The following DOCK7 variants were observed in gnomAD, a reference collection of about 807,000 sequenced individuals.
DOCK7 encodes the protein dedicator of cytokinesis 7.
Under a neutral mutation model 271.0 loss-of-function variants are expected in DOCK7, and 138 were observed. The ratio of observed to expected loss-of-function variants is 0.51; its 90% confidence interval spans 0.44 to 0.59. The LOEUF (loss-of-function observed/expected upper bound fraction) is 0.59, where lower values mean the gene tolerates loss of function less well. Ranked by LOEUF, DOCK7 falls within the 20% of genes least tolerant of loss-of-function variation. The probability of loss-of-function intolerance (pLI) is 0.00; values close to 1 mark genes in which losing one functional copy is unlikely to be tolerated. For synonymous variants in DOCK7, 823 were observed against 876.1 expected (o/e 0.94, Z 1.07); for missense variants, 2,066 against 2,592.4 (o/e 0.80, Z 4.41).
At chr1:62,484,751 T>C (rs1646243726) in intron 43 of DOCK7, 1 of 152,204 alleles carries the variant, frequency 6.6e-6, no homozygotes, top group Non-Finnish European at 1.5e-5. Flanking sequence ...ATACATAACA[T>C]AGAAAGTGGT....
chr1:62,583,792 CAT>C (rs945373907), intron 15 of DOCK7, among the ~76,000 whole-genome samples: 89 of 151,932 alleles, frequency 5.9e-4, no homozygotes, highest in Non-Finnish European at 2.4e-4. Context: ...TATATTTTTG[CAT>C]ATATATATAT....
At chr1:62,579,112 T>A in intron 16 of DOCK7, 146 bp from the exon 17 acceptor site, 1 of 774,202 alleles carries the variant, frequency 1.3e-6, no homozygotes, top group Non-Finnish European at 1.8e-6. Flanking sequence ...CCCCAATCTC[T>A]AAATAACTAA....
At chr1:62,531,749 A>G (rs886322862) in intron 29 of DOCK7, among the ~76,000 whole-genome samples, 2 of 152,254 alleles carry the variant, frequency 1.3e-5, no homozygotes, top group Non-Finnish European at 2.9e-5. Context: ...AATGCTGCAT[A>G]TAATCTATAT....
At chr1:62,612,782 T>C (rs1006436696) in intron 14 of DOCK7, among the ~76,000 whole-genome samples, 50 of 152,328 alleles carry the variant, frequency 3.3e-4, no homozygotes, top group African/African-American at 1.1e-3. Flanking sequence ...GTCTGAACCA[T>C]TGTATTCATT....
At chr1:62,631,455 G>A (rs756586355) in intron 10 of DOCK7, 50 bp from the exon 11 acceptor site, 12 of 1,453,872 alleles carry the variant, frequency 8.3e-6, no homozygotes, top group Non-Finnish European at 7.4e-6. Flanking sequence ...AAAGAAATCA[G>A]TTAAAGGCTA....
chr1:62,455,178 G>A lies in DOCK7; in HGVS notation c.*236C>T. 1 of 625,160 alleles carries A rather than the reference G, an allele frequency of 1.6e-6. No individual in the cohort carries two copies. The highest frequency in any genetic ancestry group is 2.5e-4 in the Middle Eastern group (1 of 3,924). The allele number at this position is 625,160 out of a possible 1,614,324, so 38.7% of individuals were successfully genotyped here. A position where few individuals can be genotyped will look rare whatever the true frequency, so the allele number is the denominator to read the frequency against. On this transcript the variant is annotated 3_prime_UTR_variant, in exon 50 of 50. Transcript: ENST00000635253. The stretch of plus-strand genomic sequence containing the variant: ...GTATAAATAATGGTAAATGTATAGT[G>A]TACCTTTGAGTCATTAAAATGTCTT...
intron 31 of DOCK7, among the ~76,000 whole-genome samples, chr1:62,527,836 C>T (rs990565003): frequency 1.7e-4 from 25 of 148,786 alleles, no homozygotes; most frequent in African/African-American, 6.0e-4. Context: ...ATGTAACTAA[C>T]CTGCATGTTG....
chr1:62,583,428 GTTTCT>G (rs1647198746), intron 15 of DOCK7, among the ~76,000 whole-genome samples, 174 bp from the exon 16 acceptor site: 1 of 152,132 alleles, frequency 6.6e-6, no homozygotes, highest in African/African-American at 2.4e-5. Flanking sequence ...TTAACTATAA[GTTTCT>G]TTTCAACAAC....
At chr1:62,485,201 A>T in intron 43 of DOCK7, 1 of 985,454 alleles carries the variant, frequency 1.0e-6, no homozygotes, top group South Asian at 4.7e-5. Flanking sequence ...GGAAAAGTAA[A>T]AATAAAAGTG....
intron 43 of DOCK7, chr1:62,479,731 T>A (rs1450184328): frequency 2.6e-6 from 1 of 385,806 alleles, no homozygotes; most frequent in South Asian, 1.9e-5. Flanking sequence ...TTACCCAGAC[T>A]GGAATACAGT....
chr1:62,548,361 C>T (rs10889341), intron 22 of DOCK7, among the ~76,000 whole-genome samples: 149,410 of 151,732 alleles, frequency 0.98, 73,608 homozygotes, highest in Middle Eastern at 1. Flanking sequence ...AGAGAATAAG[C>T]CATTAGAAGA....
chr1:62,683,689 C>T (rs1198233611), intron 1 of DOCK7, among the ~76,000 whole-genome samples: 2 of 152,158 alleles, frequency 1.3e-5, no homozygotes, highest in South Asian at 2.1e-4. Flanking sequence ...AATCCCAGCA[C>T]TTTGGGAGGC....
chr1:62,599,945 CATAAT>C (rs1294816445), intron 14 of DOCK7, among the ~76,000 whole-genome samples: 7 of 151,956 alleles, frequency 4.6e-5, no homozygotes, highest in African/African-American at 1.2e-4. Flanking sequence ...ATTCAAAAAA[CATAAT>C]ATAAACTCAG....
intron 31 of DOCK7, among the ~76,000 whole-genome samples, chr1:62,515,136 G>GAA (rs995486937): frequency 3.9e-4 from 39 of 99,452 alleles, no homozygotes; most frequent in Non-Finnish European, 4.4e-4. Context: ...TCATCTTACA[G>GAA]AAAAAAAAAA....
chr1:62,558,913 GT>G (rs374596440), intron 20 of DOCK7, 75 bp downstream of exon 20: 26,704 of 885,680 alleles, frequency 0.03, no homozygotes, highest in South Asian at 0.04. Context: ...TAGAAATCAT[GT>G]TTTTTTTTTT....
At position 62,477,856 on chromosome 1, in the gene DOCK7, A is replaced by T. The variant is rs752659682; in HGVS notation, c.5509-31T>A. 3.9e-6 allele frequency: 6 copies of T among 1,555,434 alleles called. No homozygotes were observed. In the South Asian group the frequency reaches 7.5e-5, roughly 19 times the overall value. On this transcript the variant is annotated intron_variant, in intron 43 of 49. Transcript: ENST00000635253. ...CATCCTAGGTTTAGGAAAATGGAGA[A>T]ACTTTAATATGAAATCTTCCTGTTT...
At chr1:62,570,130 C>T (rs1646721993) in intron 18 of DOCK7, among the ~76,000 whole-genome samples, 1 of 152,194 alleles carries the variant, frequency 6.6e-6, no homozygotes, top group Non-Finnish European at 1.5e-5. Flanking sequence ...TTGCAGATGA[C>T]ATGATCCTCT....
chr1:62,540,349 A>C (rs1645489164), intron 25 of DOCK7, among the ~76,000 whole-genome samples: 1 of 151,942 alleles, frequency 6.6e-6, no homozygotes, highest in Admixed American at 6.6e-5. Context: ...AATTTTAAAA[A>C]TTTTATAGAG....
intron 33 of DOCK7, among the ~76,000 whole-genome samples, chr1:62,511,545 A>C (rs1186060329): frequency 6.6e-6 from 1 of 152,192 alleles, no homozygotes; most frequent in Non-Finnish European, 1.5e-5. Context: ...TTCAAATATA[A>C]ATTTTTAAAA....
Sources: gnomAD v4.1 joint callset for allele counts (sites outside exome capture counted in the v4.1 genomes callset) on GRCh38, gnomAD v4.1.1 for gene constraint, MANE v1.5 for transcripts, NCBI Gene and HGNC (gene_info 2026-07-23, HGNC 2026-07-21) for gene names.